The following VPS37A variants were observed in gnomAD, a reference collection of about 807,000 sequenced individuals.
VPS37A encodes the protein VPS37A subunit of ESCRT-I.
Under a neutral mutation model 49.8 loss-of-function variants are expected in VPS37A, and 30 were observed. That is an observed-to-expected ratio of 0.60 (90% CI 0.45 to 0.82). The LOEUF is 0.82. VPS37A is among the 40% of genes least tolerant of loss of function. VPS37A has a pLI of 0.00. For synonymous variants in VPS37A, 195 were observed against 160.6 expected, an observed-to-expected ratio of 1.21 and a Z score of -1.62; for missense variants, 593 against 464.4, an observed-to-expected ratio of 1.28 and a Z score of -2.55.
chr8:17,266,061 CT>C (rs1813418547), intron 2 of VPS37A, 80 bp downstream of exon 2: 1 of 1,257,352 alleles, frequency 8.0e-7, no homozygotes, highest in African/African-American at 1.5e-5. Context: ...TAGAAATAAA[CT>C]TTTAAGGTGA....
the VPS37A span, among the ~76,000 whole-genome samples, chr8:17,328,485 A>G: frequency 1.3e-5 from 2 of 151,846 alleles, no homozygotes; most frequent in African/African-American, 4.8e-5. Flanking sequence ...CAAGCACCAC[A>G]TGTTCTCACT....
chr8:17,319,494 T>G, the VPS37A span, among the ~76,000 whole-genome samples: 1 of 152,200 alleles, frequency 6.6e-6, no homozygotes, highest in South Asian at 2.1e-4. Context: ...AATGCAAGTC[T>G]TCTGAGAGAC....
In VPS37A at chr8:17,286,422, C is replaced by A. The variant is rs753194506; in HGVS notation, c.1189C>A (p.Leu397Ile). The change falls in exon 11 of 12, where the codon CTA becomes ATA. Residue 397 changes from leucine (L) to isoleucine (I), a missense_variant. Transcript: ENST00000324849. ...IAMHSQFHAP[L>I] Reference sequence around the variant, plus strand: ...AATGCACAGCCAATTTCATGCTCCACTATAGGTAAATTGTATTTCAAGTTT... The same window carrying A: ...AATGCACAGCCAATTTCATGCTCCAATATAGGTAAATTGTATTTCAAGTTT... 2.5e-6 allele frequency: 4 copies of A among 1,613,150 alleles called. No homozygotes were observed. The East Asian group carries it at 6.7e-5, about 27-fold the overall frequency.
chr8:17,327,163 CAAG>C, the VPS37A span, among the ~76,000 whole-genome samples: 1 of 152,176 alleles, frequency 6.6e-6, no homozygotes, highest in African/African-American at 2.4e-5. Context: ...ACTTTTCTAT[CAAG>C]AAGGTGAAGT....
intron 4 of VPS37A, among the ~76,000 whole-genome samples, chr8:17,270,503 G>GAGAGAGAGCATTCCAAC (rs1563260047): frequency 6.6e-6 from 1 of 152,116 alleles, no homozygotes; most frequent in African/African-American, 2.4e-5. Flanking sequence ...AGGATCCCAA[G>GAGAGAGAGCATTCCAAC]AGAGAGAGCA....
chr8:17,278,083 A>G (rs1030930702), intron 6 of VPS37A, among the ~76,000 whole-genome samples: 1 of 152,084 alleles, frequency 6.6e-6, no homozygotes, highest in Non-Finnish European at 1.5e-5. Flanking sequence ...TCCTTGTGGT[A>G]CCATTGAAGA....
At chr8:17,314,247 A>C in the VPS37A span, among the ~76,000 whole-genome samples, 1,655 of 152,306 alleles carry the variant, frequency 0.011, 20 homozygotes, top group Middle Eastern at 0.024. Flanking sequence ...CTTATCAATC[A>C]ACCAATGAAA....
chr8:17,310,415 T>C, the VPS37A span, among the ~76,000 whole-genome samples: 1 of 152,216 alleles, frequency 6.6e-6, no homozygotes, highest in East Asian at 1.9e-4. Context: ...TGGAAGTCTG[T>C]TCTTGACAAC....
At position 17,280,437 on chromosome 8, in the gene VPS37A, T is replaced by C; in HGVS notation, c.963T>C (p.Leu321=). The C allele has an allele frequency of 6.2e-7, 1 of 1,607,562 alleles. No homozygotes were observed. Among genetic ancestry groups the C allele is most frequent in the Non-Finnish European group, 8.5e-7 (1 of 1,177,906 alleles). Residue 321 remains leucine, a synonymous_variant, in exon 9 of 12, where the codon CTT becomes CTC. Coordinates refer to ENST00000324849, the MANE Select transcript of VPS37A (RefSeq NM_152415.3). ...AGAAGATGCAAAGGCAGCATGAACT[T>C]AGTGAGGTAAGACTGTTTATTTTTT... is the stretch of plus-strand genomic sequence containing the variant. ...FEKKMQRQHE[L]SESCSASALQ...
At chr8:17,253,156 G>C (rs12679908) in intron 1 of VPS37A, among the ~76,000 whole-genome samples, 1 of 152,114 alleles carries the variant, frequency 6.6e-6, no homozygotes. Context: ...TTTCTCCATT[G>C]CTAGTTAAAT....
chr8:17,316,414 C>T, the VPS37A span, among the ~76,000 whole-genome samples: 1 of 151,718 alleles, frequency 6.6e-6, no homozygotes, highest in African/African-American at 2.4e-5. Context: ...TATCCATCCC[C>T]CTACTGTTGA....
intron 1 of VPS37A, among the ~76,000 whole-genome samples, chr8:17,262,674 A>G (rs1813067068): frequency 6.6e-6 from 1 of 152,096 alleles, no homozygotes. Context: ...TGTGGTTTGT[A>G]AGAATAAAAG....
the VPS37A span, among the ~76,000 whole-genome samples, chr8:17,316,313 T>G: frequency 2.0e-5 from 3 of 152,120 alleles, no homozygotes; most frequent in African/African-American, 7.2e-5. Context: ...CTGCAATTTT[T>G]ATCCAACTTT....
In VPS37A at chr8:17,296,249, T is replaced by G. The variant is rs142168723; in HGVS notation, c.*1263T>G. 6.6e-6 allele frequency: 1 copy of G among 152,130 alleles called. No individual in the cohort carries two copies. Among genetic ancestry groups the G allele is most frequent in the Non-Finnish European group, 1.5e-5 (1 of 68,008 alleles). The allele number at this position is 152,130 out of a possible 1,614,324, so 9.4% of individuals were successfully genotyped here. ...AAAACATGCTTAATATTTAGTCTGTTTGTGGAGGGCAGGTATTCACGTGGA... is the reference window on the plus strand; with the variant it reads ...AAAACATGCTTAATATTTAGTCTGTGTGTGGAGGGCAGGTATTCACGTGGA... On this transcript the variant is annotated 3_prime_UTR_variant, in exon 12 of 12. Coordinates refer to ENST00000324849, the MANE Select transcript of VPS37A (RefSeq NM_152415.3).
chr8:17,313,416 A>G, the VPS37A span: 11 of 1,562,476 alleles, frequency 7.0e-6, no homozygotes, highest in African/African-American at 2.7e-5. Flanking sequence ...AAGATAAATC[A>G]TGTTATAAAA....
At chr8:17,302,377 A>G (rs149201767), downstream of VPS37A, 12 of 1,339,578 alleles carry the variant, frequency 9.0e-6, no homozygotes, top group East Asian at 1.7e-4. Flanking sequence ...CACAGTCTTA[A>G]TAATAACCAA....
chr8:17,311,800 A>C, the VPS37A span: 1 of 1,091,592 alleles, frequency 9.2e-7, no homozygotes, highest in South Asian at 1.5e-5. Context: ...GCAGAGCCAG[A>C]GTGGCCTGGT....
the VPS37A span, among the ~76,000 whole-genome samples, chr8:17,313,799 C>A: frequency 6.6e-6 from 1 of 152,158 alleles, no homozygotes; most frequent in Non-Finnish European, 1.5e-5. Flanking sequence ...AAGTGTAGCA[C>A]CTACCCACTT....
At chr8:17,321,141 T>A in the VPS37A span, among the ~76,000 whole-genome samples, 1 of 152,298 alleles carries the variant, frequency 6.6e-6, no homozygotes, top group Non-Finnish European at 1.5e-5. Flanking sequence ...GAACAAAAGA[T>A]CCTTTTCACC....
Sources: gnomAD v4.1 joint callset for allele counts (sites outside exome capture counted in the v4.1 genomes callset) on GRCh38, gnomAD v4.1.1 for gene constraint, MANE v1.5 for transcripts, NCBI Gene and HGNC (gene_info 2026-07-23, HGNC 2026-07-21) for gene names.